Variants in NT5C3B observed in about 807,000 individuals in gnomAD.
NT5C3B encodes 5'-nucleotidase, cytosolic IIIB.
In NT5C3B, 28 loss-of-function variants were observed where a neutral mutation model predicts 32.5. The observed-to-expected ratio is 0.86, with a 90% CI of 0.64 to 1.18. The LOEUF is 1.18. Ranked by LOEUF, NT5C3B falls within the 50% of genes most tolerant of loss-of-function variation. The probability of loss-of-function intolerance (pLI) is 0.00; values close to 1 mark genes in which losing one functional copy is unlikely to be tolerated. For missense variants in NT5C3B, 317 were observed against 322.0 expected (o/e 0.98, Z 0.12); for synonymous variants, 138 against 118.0 (o/e 1.17, Z -1.10).
At chr17:41,826,992 T>A (rs1270880174) in intron 8 of NT5C3B, among the ~76,000 whole-genome samples, 2 of 118,020 alleles carry the variant, frequency 1.7e-5, no homozygotes. Flanking sequence ...AGAGTGAGAC[T>A]CTATCTCAAA....
chr17:41,835,880 C>G lies in NT5C3B; in HGVS notation c.90G>C (p.Lys30Asn), dbSNP rs1555619865. 1 of 1,609,304 alleles carries G rather than the reference C, an allele frequency of 6.2e-7. No homozygotes were observed. Among genetic ancestry groups the G allele is most frequent in the South Asian group, 1.1e-5 (1 of 90,442 alleles). Residue 30 changes from lysine to asparagine, a missense_variant, in exon 2 of 9, where the codon AAG becomes AAC. Coordinates refer to ENST00000435506, the MANE Select transcript of NT5C3B (RefSeq NM_052935.5). ...GTACCTGTAACCGGTCTCCGCCGCC[C>G]TTGCGGAGGGCGCCCACGATCTCCT... Reference protein sequence around the residue: ...RVQEIVGALRKGGGDRLQVIS... With the variant: ...RVQEIVGALRNGGGDRLQVIS...
rs554566782 is a variant in NT5C3B, at chr17:41,835,056, C to T, written c.228+14G>A. The stretch of plus-strand genomic sequence containing the variant: ...ATGACAACCATTTCTGAGCAAAGGA[C>T]GGGAGCAACCCACCTCTTTCCGACA... On this transcript the variant is annotated intron_variant, in intron 4 of 8. Transcript: ENST00000435506. The T allele has an allele frequency of 1.3e-5, 21 of 1,613,476 alleles. No individual in the cohort carries two copies. In the East Asian group the frequency reaches 3.1e-4, roughly 24 times the overall value.
chr17:41,830,260 C>T (rs1340844396), intron 6 of NT5C3B, among the ~76,000 whole-genome samples: 3 of 152,200 alleles, frequency 2.0e-5, no homozygotes, highest in African/African-American at 4.8e-5. Context: ...CCTGTAATCC[C>T]AGCACTTTGG....
At chr17:41,835,705 G>T in intron 2 of NT5C3B, 154 bp downstream of exon 2, 1 of 826,980 alleles carries the variant, frequency 1.2e-6, no homozygotes. Flanking sequence ...TTTTAGGACA[G>T]GCGAACCAAC....
rs1597921003 is a variant in NT5C3B, at chr17:41,831,268, A to G, written c.315-378T>C. On this transcript the variant is annotated intron_variant, in intron 5 of 8. Coordinates refer to ENST00000435506, the MANE Select transcript of NT5C3B (RefSeq NM_052935.5). ...CAGGAGGGGGAGGTTGCAGTGAGCC[A>G]AGATCGGGGCCACTGCACTCCAGCC... Among the ~76,000 whole-genome samples, 5 of 148,896 alleles carry G rather than the reference A, an allele frequency of 3.4e-5. No homozygotes were observed. In the South Asian group the frequency reaches 1.1e-3, roughly 31 times the overall value.
In NT5C3B at chr17:41,828,855, G is replaced by A. The variant is rs201832968; in HGVS notation, c.502C>T (p.Arg168Ter). ...TTGGGGTGGAACACTTTCATCTGTC[G>A]GATAATTTCTTCCAGGATATCACCA... Reference protein sequence around the residue: ...GIGDILEEIIRQMKVFHPNIH... With the variant: ...GIGDILEEII Residue 168 changes from arginine to a stop codon, truncating the protein, a stop_gained, in exon 7 of 9, where the codon CGA (arginine) becomes TGA (stop). Coordinates refer to ENST00000435506, the MANE Select transcript of NT5C3B (RefSeq NM_052935.5). LOFTEE classifies it high-confidence loss of function. 98 of 1,613,672 alleles carry A rather than the reference G, an allele frequency of 6.1e-5. 1 individual carries two copies. The highest frequency in any genetic ancestry group is 8.9e-5 in the East Asian group (4 of 44,898).
chr17:41,833,807 G>A (rs993956195), intron 4 of NT5C3B, among the ~76,000 whole-genome samples: 1 of 152,178 alleles, frequency 6.6e-6, no homozygotes, highest in Non-Finnish European at 1.5e-5. Flanking sequence ...ATCTATGTGT[G>A]TTTCCTCTAA....
intron 4 of NT5C3B, among the ~76,000 whole-genome samples, chr17:41,834,393 T>TACACACACACACACACACACAC: frequency 7.2e-6 from 1 of 139,716 alleles, no homozygotes; most frequent in Non-Finnish European, 1.5e-5. Context: ...AAAAAAAAAA[T>TACACACACACACACACACACAC]ACACACACAC....
Position 41,825,398 on chromosome 17 carries a change from A to T in NT5C3B, c.*125T>A. On this transcript the variant is annotated 3_prime_UTR_variant, in exon 9 of 9. Coordinates refer to ENST00000435506, the MANE Select transcript of NT5C3B (RefSeq NM_052935.5). ...AAGGTGCTCAGGGAAAGGAGGACGG[A>T]GGGGCGCGGAAGGACCCAGCCACTG... 1.5e-6 allele frequency: 1 copy of T among 672,926 alleles called. No individual in the cohort carries two copies. Among genetic ancestry groups the T allele is most frequent in the East Asian group, 2.7e-5 (1 of 36,564 alleles). 41.7% of individuals were successfully genotyped at this position (672,926 alleles called of 1,614,324 possible).
Position 41,825,154 on chromosome 17 carries a change from C to G in NT5C3B, c.*369G>C, listed in dbSNP as rs12951885. ...GGCCAAGAGGTCCAGGTTCTACCCC[C>G]ACCCACATCCCCTGAATCAGAGCAG... is the stretch of plus-strand genomic sequence containing the variant. On this transcript the variant is annotated 3_prime_UTR_variant, in exon 9 of 9. Coordinates refer to ENST00000435506, the MANE Select transcript of NT5C3B (RefSeq NM_052935.5). 0.084 allele frequency: 14,185 copies of G among 169,026 alleles called. 836 individuals carry two copies. The highest frequency in any genetic ancestry group is 0.11 in the Non-Finnish European group (8,938 of 78,398). The allele number at this position is 169,026 out of a possible 1,614,324, so 10.5% of individuals were successfully genotyped here. A position where few individuals can be genotyped will look rare whatever the true frequency, so the allele number is the denominator to read the frequency against.
chr17:41,828,738 C>G, intron 7 of NT5C3B, 52 bp downstream of exon 7: 2 of 1,539,720 alleles, frequency 1.3e-6, no homozygotes, highest in East Asian at 2.3e-5. Flanking sequence ...ACTGCCCTGG[C>G]TGGTGGTCCC....
intron 7 of NT5C3B, 78 bp downstream of exon 7, chr17:41,828,712 G>T: frequency 1.5e-6 from 2 of 1,310,488 alleles, no homozygotes; most frequent in Non-Finnish European, 2.2e-6. Context: ...CCCAGGTTAG[G>T]GTTCATGCAG....
intron 2 of NT5C3B, 31 bp from the exon 3 acceptor site, chr17:41,835,303 T>C (rs781794627): frequency 6.3e-7 from 1 of 1,584,708 alleles, no homozygotes; most frequent in South Asian, 1.1e-5. Flanking sequence ...GATGCCTAAA[T>C]AGGCACCAGA....
intron 8 of NT5C3B, 135 bp from the exon 9 acceptor site, chr17:41,825,792 G>A: frequency 1.3e-6 from 1 of 761,570 alleles, no homozygotes; most frequent in Non-Finnish European, 2.2e-6. Context: ...AGCCAAAGGA[G>A]TTCAAGGTTA....
chr17:41,834,935 C>T (rs1293141902), intron 4 of NT5C3B, 135 bp downstream of exon 4: 4 of 814,902 alleles, frequency 4.9e-6, no homozygotes, highest in Non-Finnish European at 8.1e-6. Flanking sequence ...TAAAACTAGA[C>T]CCTCCTTAGC....
intron 4 of NT5C3B, among the ~76,000 whole-genome samples, chr17:41,834,392 ATACAC>A (rs1361262870): frequency 1.4e-4 from 12 of 86,996 alleles, no homozygotes; most frequent in South Asian, 5.1e-4. Flanking sequence ...AAAAAAAAAA[ATACAC>A]ACACACACAC....
rs1407214579 is a variant in NT5C3B at position 41,832,689 on chromosome 17, G to A, written c.229-212C>T. On this transcript the variant is annotated intron_variant, in intron 4 of 8. Coordinates refer to ENST00000435506, the MANE Select transcript of NT5C3B (RefSeq NM_052935.5). ...TCGAGTCCAGCCTGGCCAACATGGC[G>A]AAACCCTGTCTCTACTAAAAAATAC... 1.9e-5 allele frequency: 7 copies of A among 378,270 alleles called. 1 individual carries two copies. The highest frequency in any genetic ancestry group is 5.4e-5 in the East Asian group (1 of 18,562). 23.4% of individuals were successfully genotyped at this position (378,270 alleles called of 1,614,324 possible).
chr17:41,832,322 G>A (rs1004388276), intron 5 of NT5C3B, 70 bp downstream of exon 5: 2 of 1,342,282 alleles, frequency 1.5e-6, no homozygotes, highest in East Asian at 2.3e-5. Flanking sequence ...CAAGGGTCTG[G>A]AAAAATATGC....
chr17:41,825,218 A>G lies in NT5C3B; in HGVS notation c.*305T>C. ...TTAAAAATTTTGATCTGTTTCACACATTATATTTGTTTGAACTTCCCATGT... is the reference window on the plus strand; with the variant it reads ...TTAAAAATTTTGATCTGTTTCACACGTTATATTTGTTTGAACTTCCCATGT... On this transcript the variant is annotated 3_prime_UTR_variant, in exon 9 of 9. Coordinates refer to ENST00000435506, the MANE Select transcript of NT5C3B (RefSeq NM_052935.5). 3.3e-6 allele frequency: 1 copy of G among 306,486 alleles called. No individual in the cohort carries two copies. Among genetic ancestry groups the G allele is most frequent in the Non-Finnish European group, 6.1e-6 (1 of 165,204 alleles). The allele number at this position is 306,486 out of a possible 1,614,324, so 19.0% of individuals were successfully genotyped here. A position where few individuals can be genotyped will look rare whatever the true frequency, so the allele number is the denominator to read the frequency against.
Sources: allele counts gnomAD v4.1 joint callset (sites outside exome capture counted in the v4.1 genomes callset), GRCh38; gene constraint gnomAD v4.1.1; transcripts MANE v1.5; gene names NCBI Gene and HGNC (gene_info 2026-07-23, HGNC 2026-07-21).